Variants in CCDC30 observed in about 807,000 individuals in gnomAD.
The protein encoded by CCDC30 is coiled-coil domain containing 30.
Under a neutral mutation model 100.2 loss-of-function variants are expected in CCDC30, and 70 were observed. The observed-to-expected ratio is 0.70, with a 90% CI of 0.58 to 0.85. The LOEUF (loss-of-function observed/expected upper bound fraction) is 0.85, where lower values mean the gene tolerates loss of function less well. CCDC30 is among the 40% of genes least tolerant of loss of function. The pLI, the probability that CCDC30 is intolerant of heterozygous loss-of-function variation, is 0.00. For missense variants in CCDC30, 652 were observed against 771.2 expected, an observed-to-expected ratio of 0.85 and a Z score of 1.83; for synonymous variants, 233 against 269.5, an observed-to-expected ratio of 0.86 and a Z score of 1.33.
intron 15 of CCDC30, among the ~76,000 whole-genome samples, chr1:42,652,787 C>T (rs1463511449): frequency 1.3e-5 from 2 of 152,158 alleles, no homozygotes; most frequent in Non-Finnish European, 2.9e-5. Context: ...TAAAAGGCCA[C>T]ATATTGTATG....
intron 8 of CCDC30, among the ~76,000 whole-genome samples, chr1:42,579,776 C>T (rs1184732551): frequency 2.0e-5 from 3 of 151,958 alleles, no homozygotes; most frequent in Non-Finnish European, 1.5e-5. Context: ...ATGGGAGCAT[C>T]ACTTGAACCC....
intron 9 of CCDC30, among the ~76,000 whole-genome samples, chr1:42,586,480 A>G (rs186729401): frequency 1.6e-4 from 25 of 152,156 alleles, no homozygotes; most frequent in Admixed American, 1.3e-3. Context: ...TAATTAAAAA[A>G]AAAATTTAGA....
At chr1:42,543,598 A>G (rs1645061802) in intron 6 of CCDC30, among the ~76,000 whole-genome samples, 1 of 152,112 alleles carries the variant, frequency 6.6e-6, no homozygotes, top group African/African-American at 2.4e-5. Context: ...CTCTATTCCA[A>G]TGAAATCATC....
chr1:42,500,372 A>C, intron 6 of CCDC30: 1 of 1,431,834 alleles, frequency 7.0e-7, no homozygotes, highest in Non-Finnish European at 9.8e-7. Flanking sequence ...GAGGTGCGTG[A>C]GAACGAGCGA....
chr1:42,559,943 C>G (rs1645452710), intron 6 of CCDC30, among the ~76,000 whole-genome samples: 2 of 152,170 alleles, frequency 1.3e-5, no homozygotes. Context: ...CAAATGGTCT[C>G]TGAGACCACA....
At chr1:42,462,562 T>C (rs1643440155), upstream of CCDC30, among the ~76,000 whole-genome samples, 1 of 152,196 alleles carries the variant, frequency 6.6e-6, no homozygotes. Flanking sequence ...GACCAAGAAA[T>C]GTTGTGTTTG....
chr1:42,585,870 A>T (rs1646058499), intron 9 of CCDC30, among the ~76,000 whole-genome samples: 1 of 152,174 alleles, frequency 6.6e-6, no homozygotes, highest in South Asian at 2.1e-4. Context: ...TGGTTTCATA[A>T]TATCAGTTTA....
At chr1:42,551,679 C>G (rs971569130) in intron 6 of CCDC30, among the ~76,000 whole-genome samples, 2 of 151,836 alleles carry the variant, frequency 1.3e-5, no homozygotes, top group South Asian at 4.2e-4. Flanking sequence ...AAAATCTGTT[C>G]AGCCTTCCTT....
At chr1:42,627,681 C>T (rs767428611) in intron 11 of CCDC30, among the ~76,000 whole-genome samples, 1 of 152,202 alleles carries the variant, frequency 6.6e-6, no homozygotes, top group Non-Finnish European at 1.5e-5. Flanking sequence ...AAGGGGCCAA[C>T]TTAGCACTTG....
At position 42,581,341 on chromosome 1, in the gene CCDC30, A is replaced by G; in HGVS notation, c.847-19A>G. 1 of 1,584,620 alleles carries G rather than the reference A, an allele frequency of 6.3e-7. No individual in the cohort carries two copies. The highest frequency in any genetic ancestry group is 8.6e-7 in the Non-Finnish European group (1 of 1,168,902). ...ACACTCTTCTTAATGCTTTACTTGT[A>G]AATGTTTTTTCATTCAAGATTTTGG... On this transcript the variant is annotated intron_variant, in intron 8 of 16. Transcript: ENST00000668663.
In CCDC30 at chr1:42,524,571, G is replaced by A. The variant is rs113745781; in HGVS notation, c.456+25655G>A. 6.1e-3 allele frequency among the ~76,000 whole-genome samples: 926 copies of A among 152,208 alleles called. 6 individuals carry two copies. The highest frequency in any genetic ancestry group is 0.021 in the African/African-American group (863 of 41,506). ...TGACTCTGTCTGTACCTACATGAGCGAAAGCAGCAATCACCCATCAGAACA... is the reference window on the plus strand; with the variant it reads ...TGACTCTGTCTGTACCTACATGAGCAAAAGCAGCAATCACCCATCAGAACA... On this transcript the variant is annotated intron_variant, in intron 6 of 16. Coordinates refer to ENST00000668663, the Ensembl canonical transcript of CCDC30.
At chr1:42,643,988 T>A (rs1406550593) in intron 13 of CCDC30, among the ~76,000 whole-genome samples, 1 of 152,172 alleles carries the variant, frequency 6.6e-6, no homozygotes, top group Non-Finnish European at 1.5e-5. Flanking sequence ...CTTCCTTAAA[T>A]TTTTCAAGGG....
chr1:42,456,788 G>T, the CCDC30 span: 2 of 1,613,120 alleles, frequency 1.2e-6, no homozygotes, highest in East Asian at 4.5e-5. Flanking sequence ...GGCCTTCCTA[G>T]CCGCCGGCTA....
chr1:42,518,285 G>T lies in CCDC30; in HGVS notation c.456+19369G>T, dbSNP rs537361988. Among the ~76,000 whole-genome samples the T allele has an allele frequency of 3.3e-5, 5 of 152,162 alleles. No homozygotes were observed. In the East Asian group the frequency reaches 9.6e-4, roughly 29 times the overall value. On this transcript the variant is annotated intron_variant, in intron 6 of 16. Transcript: ENST00000668663. ...CCAGATTGTTCATTGTTAGAGTATA[G>T]AAATGCAACTAATTTATGTGTGTTG...
At chr1:42,657,016 T>A (rs1359697492), downstream of CCDC30, among the ~76,000 whole-genome samples, 2 of 152,188 alleles carry the variant, frequency 1.3e-5, no homozygotes, top group Non-Finnish European at 2.9e-5. Flanking sequence ...TCTTTTTCAG[T>A]TGGAGGAGAC....
At chr1:42,533,757 A>G (rs1032696369) in intron 6 of CCDC30, 3 of 152,306 alleles carry the variant, frequency 2.0e-5, no homozygotes, top group African/African-American at 7.2e-5. Context: ...CAACGCAAGC[A>G]CACAGTGGGA....
chr1:42,635,441 G>A (rs1399794685), intron 11 of CCDC30, among the ~76,000 whole-genome samples: 1 of 152,164 alleles, frequency 6.6e-6, no homozygotes, highest in Non-Finnish European at 1.5e-5. Flanking sequence ...ATGAACATTT[G>A]TGTATAAGTT....
chr1:42,467,298 C>T (rs1247590709), intron 1 of CCDC30, among the ~76,000 whole-genome samples: 1 of 152,154 alleles, frequency 6.6e-6, no homozygotes, highest in African/African-American at 2.4e-5. Context: ...TGGATGAGGG[C>T]CAGCCTGGCA....
chr1:42,645,321 T>C (rs1647798804), intron 14 of CCDC30, among the ~76,000 whole-genome samples: 1 of 152,066 alleles, frequency 6.6e-6, no homozygotes, highest in African/African-American at 2.4e-5. Context: ...AAGTTTGCTA[T>C]GGCAAAGAGT....
Sources: allele counts gnomAD v4.1 joint callset (sites outside exome capture counted in the v4.1 genomes callset), GRCh38; gene constraint gnomAD v4.1.1; transcripts MANE v1.5; gene names NCBI Gene and HGNC (gene_info 2026-07-23, HGNC 2026-07-21).